Variants in SCN11A observed in about 807,000 individuals in gnomAD.
The protein encoded by SCN11A is sodium voltage-gated channel alpha subunit 11, also known as sodium channel protein type 11 subunit alpha.
SCN11A carries 122 observed loss-of-function variants against 162.2 expected under a neutral mutation model. The observed-to-expected ratio is 0.75, with a 90% CI of 0.65 to 0.87. The LOEUF (loss-of-function observed/expected upper bound fraction) is 0.87, where lower values mean the gene tolerates loss of function less well. Ranked by LOEUF, SCN11A falls within the 40% of genes least tolerant of loss-of-function variation. SCN11A has a pLI of 0.00. For missense variants in SCN11A, 2,015 were observed against 2,181.6 expected (o/e 0.92, Z 1.52); for synonymous variants, 758 against 751.5 (o/e 1.01, Z -0.14).
At chr3:38,847,780 G>A (rs778913894) in intron 29 of SCN11A, 38 bp from the exon 30 acceptor site, 2 of 1,353,430 alleles carry the variant, frequency 1.5e-6, no homozygotes, top group South Asian at 1.4e-5. Context: ...TTTCCAGAAG[G>A]CACACTGGTT....
chr3:38,916,972 G>A (rs2065970078), intron 11 of SCN11A, among the ~76,000 whole-genome samples: 1 of 152,120 alleles, frequency 6.6e-6, no homozygotes, highest in South Asian at 2.1e-4. Context: ...ACTAGGAGTT[G>A]GTTTACCACA....
At position 38,909,167 on chromosome 3, in the gene SCN11A, C is replaced by G. The variant is rs770120477; in HGVS notation, c.1129G>C (p.Val377Leu). The change falls in exon 13 of 30, where the codon GTC becomes CTC. Residue 377 changes from valine to leucine, a missense_variant. Coordinates refer to ENST00000302328, the MANE Select transcript of SCN11A (RefSeq NM_001349253.2). ...AAAATGACCACAATGAAGAAGAAGA[C>G]TGAGTAGAGCCCAGTAGTACGCAGG... ...QTLRTTGLYS[V>L]FFFIVVIFLG... 1.9e-6 allele frequency: 3 copies of G among 1,614,106 alleles called. No individual in the cohort carries two copies. The highest frequency in any genetic ancestry group is 2.2e-5 in the East Asian group (1 of 44,876).
At chr3:38,983,644 A>G (rs11929481) in intron 2 of SCN11A, among the ~76,000 whole-genome samples, 12,572 of 152,268 alleles carry the variant, frequency 0.083, 734 homozygotes, top group African/African-American at 0.16. Flanking sequence ...CCTCTACCCC[A>G]TAAGGGAGCT....
chr3:38,922,505 C>T (rs898857070), intron 9 of SCN11A, among the ~76,000 whole-genome samples: 4 of 152,100 alleles, frequency 2.6e-5, no homozygotes, highest in African/African-American at 7.2e-5. Flanking sequence ...ATTTAATGGG[C>T]CAAAATAGAG....
chr3:38,867,537 G>A, intron 26 of SCN11A, 79 bp from the exon 27 acceptor site: 1 of 1,107,662 alleles, frequency 9.0e-7, no homozygotes, highest in African/African-American at 1.6e-5. Context: ...TTATCTAGAA[G>A]ACCAAGGTGT....
In SCN11A at chr3:38,926,883, C is replaced by T; in HGVS notation, c.537G>A (p.Leu179=). The T allele has an allele frequency of 1.2e-6, 2 of 1,613,096 alleles. No homozygotes were observed. Among genetic ancestry groups the T allele is most frequent in the Non-Finnish European group, 1.7e-6 (2 of 1,179,094 alleles). ...IYIFEALIKI[L]ARGFILDEFS... is the part of the protein sequence containing the mutation. ...ACTCATCCAGAATGAAACCTCTTGC[C>T]AATATTTTAATCAAAGCTTCAAAAA... The change falls in exon 8 of 30, where the codon TTG becomes TTA. Residue 179 remains leucine (L), a synonymous_variant. Coordinates refer to ENST00000302328, the MANE Select transcript of SCN11A (RefSeq NM_001349253.2).
intron 5 of SCN11A, among the ~76,000 whole-genome samples, chr3:38,948,423 C>T (rs1313790905): frequency 1.3e-5 from 2 of 152,212 alleles, no homozygotes; most frequent in African/African-American, 2.4e-5. Flanking sequence ...CTCCTGCCTG[C>T]TTGCTGACAC....
Position 38,950,344 on chromosome 3 carries a change from G to C in SCN11A, c.19C>G (p.Pro7Ala), listed in dbSNP as rs372831672. The C allele has an allele frequency of 3.5e-5, 57 of 1,613,762 alleles. No individual in the cohort carries two copies. Among genetic ancestry groups the C allele is most frequent in the South Asian group, 2.0e-4 (18 of 91,066 alleles). Reference sequence around the variant, plus strand: ...TTCCGCTCATCTGGAAAGATTACTGGGTAGCATCTGTCATCCATCTTCACC... The same window carrying C: ...TTCCGCTCATCTGGAAAGATTACTGCGTAGCATCTGTCATCCATCTTCACC... MDDRCY[P>A]VIFPDERNFR... is the part of the protein sequence containing the mutation. The change falls in exon 5 of 30, where the codon CCA becomes GCA. Residue 7 changes from proline to alanine, a missense_variant. By Grantham distance (27) the Pro-to-Ala change is conservative. Coordinates refer to ENST00000302328, the MANE Select transcript of SCN11A (RefSeq NM_001349253.2).
At chr3:38,879,846 T>G (rs1397966506) in intron 23 of SCN11A, 104 bp downstream of exon 23, 2 of 846,668 alleles carry the variant, frequency 2.4e-6, no homozygotes, top group African/African-American at 3.5e-5. Flanking sequence ...AAAAACTATT[T>G]TAGACAGACA....
At chr3:38,907,834 T>G in intron 14 of SCN11A, 115 bp downstream of exon 14, 1 of 886,064 alleles carries the variant, frequency 1.1e-6, no homozygotes, top group Non-Finnish European at 1.7e-6. Context: ...TATGTGCAAA[T>G]GGATGAATGA....
At chr3:38,919,575 C>T (rs777439607) in intron 11 of SCN11A, among the ~76,000 whole-genome samples, 80 of 152,216 alleles carry the variant, frequency 5.3e-4, no homozygotes, top group Admixed American at 1.1e-3. Context: ...TGCTCAGATA[C>T]TCTTGCAGCA....
intron 2 of SCN11A, among the ~76,000 whole-genome samples, chr3:38,989,886 C>G (rs2030396071): frequency 2.0e-5 from 3 of 152,012 alleles, no homozygotes; most frequent in Non-Finnish European, 2.9e-5. Context: ...ATCTTGGTGC[C>G]TGGTAGATAC....
intron 21 of SCN11A, among the ~76,000 whole-genome samples, chr3:38,884,607 G>C (rs1192299132): frequency 6.6e-6 from 1 of 152,126 alleles, no homozygotes; most frequent in Admixed American, 6.5e-5. Flanking sequence ...AGGACCTCAT[G>C]GGGGAAACCA....
chr3:38,870,835 G>A, intron 25 of SCN11A, 91 bp from the exon 26 acceptor site: 2 of 1,059,462 alleles, frequency 1.9e-6, no homozygotes, highest in Non-Finnish European at 1.5e-6. Context: ...GGCCCAGTGG[G>A]CTGAATATAT....
chr3:38,951,122 G>A (rs897718335), intron 4 of SCN11A, among the ~76,000 whole-genome samples: 4 of 152,234 alleles, frequency 2.6e-5, no homozygotes, highest in African/African-American at 9.6e-5. Flanking sequence ...GGCCAGAGCC[G>A]GCTCCCTCAG....
At chr3:39,021,423 AGGCCAAAAAGGGATTTCTT>A (rs968984090) in intron 2 of SCN11A, among the ~76,000 whole-genome samples, 4 of 152,206 alleles carry the variant, frequency 2.6e-5, no homozygotes, top group African/African-American at 9.7e-5. Context: ...ACAGCTCTCA[AGGCCAAAAAGGGATTTCTT>A]TTATAGAGAG....
intron 1 of SCN11A, among the ~76,000 whole-genome samples, chr3:39,049,568 C>G (rs537253487): frequency 7.9e-5 from 12 of 152,334 alleles, no homozygotes; most frequent in African/African-American, 2.6e-4. Context: ...CTGGCTGACC[C>G]TCCCAGAGCA....
chr3:38,871,415 CAG>C, intron 25 of SCN11A, 28 bp downstream of exon 25: 1 of 1,541,338 alleles, frequency 6.5e-7, no homozygotes, highest in East Asian at 2.3e-5. Context: ...TTTTTCTCCT[CAG>C]AGTGAAAAAC....
intron 27 of SCN11A, among the ~76,000 whole-genome samples, chr3:38,865,088 TA>T (rs1038818937): frequency 1.3e-5 from 2 of 151,256 alleles, no homozygotes; most frequent in Admixed American, 6.6e-5. Context: ...GTTTGCTCCA[TA>T]AAAAAAAATC....
Sources: allele counts gnomAD v4.1 joint callset (sites outside exome capture counted in the v4.1 genomes callset), GRCh38; gene constraint gnomAD v4.1.1; transcripts MANE v1.5; gene names NCBI Gene and HGNC (gene_info 2026-07-23, HGNC 2026-07-21).